ARHGAP10: variants seen among roughly 807,000 people sequenced by gnomAD.
ARHGAP10 encodes rho GTPase-activating protein 10.
ARHGAP10 carries 87 observed loss-of-function variants against 108.6 expected under a neutral mutation model. The ratio of observed to expected loss-of-function variants is 0.80; its 90% CI spans 0.67 to 0.96. The LOEUF (loss-of-function observed/expected upper bound fraction) is 0.96, where lower values mean the gene tolerates loss of function less well. Ranked by LOEUF, ARHGAP10 falls within the 40% of genes least tolerant of loss-of-function variation. ARHGAP10 has a pLI of 0.00. For missense variants in ARHGAP10, 939 were observed against 954.5 expected, an observed-to-expected ratio of 0.98 and a Z score of 0.21; for synonymous variants, 347 against 341.1, an observed-to-expected ratio of 1.02 and a Z score of -0.19.
At chr4:147,753,750 C>A (rs1023748326) in intron 1 of ARHGAP10, among the ~76,000 whole-genome samples, 1 of 151,758 alleles carries the variant, frequency 6.6e-6, no homozygotes, top group Admixed American at 6.6e-5. Context: ...GATTTTTTTC[C>A]CCTTTCGAAA....
intron 5 of ARHGAP10, among the ~76,000 whole-genome samples, chr4:147,858,991 C>T (rs978000856): frequency 5.9e-5 from 9 of 152,148 alleles, no homozygotes; most frequent in Non-Finnish European, 1.2e-4. Flanking sequence ...TCTCATGACT[C>T]GCTCTTCTCC....
intron 1 of ARHGAP10, among the ~76,000 whole-genome samples, chr4:147,757,190 CTT>C (rs763282506): frequency 8.6e-6 from 1 of 115,626 alleles, no homozygotes. Context: ...ACAGTCTAGC[CTT>C]TTTTTTTTTT....
In ARHGAP10 at chr4:147,906,988, A is replaced by G. The variant is rs558333599; in HGVS notation, c.1116+269A>G. 2.0e-5 allele frequency among the ~76,000 whole-genome samples: 3 copies of G among 152,244 alleles called. No individual in the cohort carries two copies. The East Asian group carries it at 5.8e-4, about 29-fold the overall frequency. ...CTTGAGGAGGTCATCTAAATTCTCAATTTCATCTTTCCTACTTGACAGTAC... is the reference window on the plus strand; with the variant it reads ...CTTGAGGAGGTCATCTAAATTCTCAGTTTCATCTTTCCTACTTGACAGTAC... On this transcript the variant is annotated intron_variant, in intron 11 of 22. Coordinates refer to ENST00000336498, the MANE Select transcript of ARHGAP10 (RefSeq NM_024605.4).
intron 1 of ARHGAP10, among the ~76,000 whole-genome samples, chr4:147,749,127 G>A (rs1729045566): frequency 1.3e-5 from 2 of 152,132 alleles, no homozygotes; most frequent in Admixed American, 1.3e-4. Context: ...CCCGTTGCTT[G>A]GTTGATTAAT....
At chr4:147,976,746 G>T (rs553247624) in intron 18 of ARHGAP10, among the ~76,000 whole-genome samples, 16 of 152,220 alleles carry the variant, frequency 1.1e-4, no homozygotes, top group Admixed American at 2.0e-4. Context: ...CTCTGTAAAT[G>T]GTAGATTGTA....
intron 3 of ARHGAP10, among the ~76,000 whole-genome samples, chr4:147,830,174 T>C (rs1319480737): frequency 6.6e-6 from 1 of 152,240 alleles, no homozygotes; most frequent in Non-Finnish European, 1.5e-5. Context: ...TGTTTTTCTC[T>C]ACCACAGACT....
chr4:148,045,682 G>C (rs556220552), intron 19 of ARHGAP10, among the ~76,000 whole-genome samples: 1 of 140,886 alleles, frequency 7.1e-6, no homozygotes, highest in Admixed American at 7.6e-5. Flanking sequence ...AGCTTGCGGT[G>C]AGCCGAGATC....
intron 1 of ARHGAP10, among the ~76,000 whole-genome samples, chr4:147,776,302 C>T (rs577228061): frequency 6.6e-6 from 1 of 151,676 alleles, no homozygotes; most frequent in African/African-American, 2.4e-5. Flanking sequence ...TCACTGCAAC[C>T]TCTGCCTCCT....
intron 1 of ARHGAP10, among the ~76,000 whole-genome samples, chr4:147,799,347 C>T (rs1224775537): frequency 6.6e-6 from 1 of 152,084 alleles, no homozygotes; most frequent in East Asian, 1.9e-4. Context: ...TAAATTTGCT[C>T]AGCTTCTTAA....
chr4:148,072,051 G>C lies in ARHGAP10; in HGVS notation c.2331G>C (p.Leu777=), dbSNP rs949050290. Reference sequence around the variant, plus strand: ...GGACTCTGAACGGCAAGAGGGGGCTGATTCCACAGAACTACGTCAAGCTGC... The same window carrying C: ...GGACTCTGAACGGCAAGAGGGGGCTCATTCCACAGAACTACGTCAAGCTGC... ...LEGTLNGKRG[L]IPQNYVKLL is the part of the protein sequence containing the mutation. Residue 777 remains leucine (L), a synonymous_variant, in exon 23 of 23, where the codon CTG becomes CTC. Coordinates refer to ENST00000336498, the MANE Select transcript of ARHGAP10 (RefSeq NM_024605.4). 8 of 1,613,406 alleles carry C rather than the reference G, an allele frequency of 5.0e-6. No homozygotes were observed. The African/African-American group carries it at 1.1e-4, about 22-fold the overall frequency.
intron 18 of ARHGAP10, among the ~76,000 whole-genome samples, chr4:148,016,762 G>T (rs1394140782): frequency 1.3e-5 from 2 of 152,066 alleles, no homozygotes; most frequent in Admixed American, 1.3e-4. Flanking sequence ...GATGCTGGTC[G>T]CAGGTCCGGG....
chr4:147,774,345 A>T (rs1293080851), intron 1 of ARHGAP10, among the ~76,000 whole-genome samples: 1 of 152,152 alleles, frequency 6.6e-6, no homozygotes, highest in Non-Finnish European at 1.5e-5. Context: ...TTCTTAGTGG[A>T]ATCTGTGTGG....
At chr4:147,948,954 A>G (rs1738490609) in intron 15 of ARHGAP10, among the ~76,000 whole-genome samples, 1 of 150,598 alleles carries the variant, frequency 6.6e-6, no homozygotes, top group Non-Finnish European at 1.5e-5. Flanking sequence ...AGACAGAGCG[A>G]GACTCTGTCT....
chr4:148,015,494 T>C (rs2149657752), intron 18 of ARHGAP10, among the ~76,000 whole-genome samples: 1 of 152,298 alleles, frequency 6.6e-6, no homozygotes, highest in Admixed American at 6.5e-5. Context: ...AACGTGAAAC[T>C]GTAGAATATT....
intron 1 of ARHGAP10, among the ~76,000 whole-genome samples, chr4:147,772,880 T>A (rs1368935325): frequency 6.6e-6 from 1 of 152,160 alleles, no homozygotes; most frequent in Non-Finnish European, 1.5e-5. Context: ...GCAGCTGTCG[T>A]ATCTCTTAGT....
Position 148,054,578 on chromosome 4 carries a change from C to T in ARHGAP10, c.2027+7527C>T, listed in dbSNP as rs372152558. Reference sequence around the variant, plus strand: ...AGCTCAGAGAGAGAACCTTTCTAGCCTTGGAGAAGCTCTAGATGTTGACCT... The same window carrying T: ...AGCTCAGAGAGAGAACCTTTCTAGCTTTGGAGAAGCTCTAGATGTTGACCT... On this transcript the variant is annotated intron_variant, in intron 20 of 22. Coordinates refer to ENST00000336498, the MANE Select transcript of ARHGAP10 (RefSeq NM_024605.4). Among the ~76,000 whole-genome samples, 53 of 152,296 alleles carry T rather than the reference C, an allele frequency of 3.5e-4. No homozygotes were observed. The South Asian group carries it at 0.01, about 30-fold the overall frequency.
chr4:147,769,768 A>T (rs1424269412), intron 1 of ARHGAP10, among the ~76,000 whole-genome samples: 2 of 152,162 alleles, frequency 1.3e-5, no homozygotes, highest in Non-Finnish European at 2.9e-5. Flanking sequence ...TCAGATAAGA[A>T]ACTATAGGAT....
intron 13 of ARHGAP10, chr4:147,917,475 G>T (rs1737036164): frequency 1.3e-5 from 2 of 152,254 alleles, no homozygotes; most frequent in African/African-American, 4.8e-5. Context: ...CTTACAAGAG[G>T]CTTGTATATA....
At chr4:147,957,183 TTTGCACC>T (rs1242821086) in intron 16 of ARHGAP10, among the ~76,000 whole-genome samples, 1 of 152,168 alleles carries the variant, frequency 6.6e-6, no homozygotes, top group Non-Finnish European at 1.5e-5. Context: ...TTGGCATGGA[TTTGCACC>T]TAAGTGCCGT....
Sources: allele counts gnomAD v4.1 joint callset (sites outside exome capture counted in the v4.1 genomes callset), GRCh38; gene constraint gnomAD v4.1.1; transcripts MANE v1.5; gene names NCBI Gene and HGNC (gene_info 2026-07-23, HGNC 2026-07-21).